MACROD2: variants seen among roughly 807,000 people sequenced by gnomAD.
MACROD2 encodes ADP-ribose glycohydrolase MACROD2.
In MACROD2, 36 loss-of-function variants were observed where a neutral mutation model predicts 70.4. The ratio of observed to expected loss-of-function variants is 0.51; its 90% CI spans 0.39 to 0.68. MACROD2 has a LOEUF of 0.68. MACROD2 is among the 30% of genes least tolerant of loss of function. The pLI, the probability that MACROD2 is intolerant of heterozygous loss-of-function variation, is 0.00. For missense variants in MACROD2, 496 were observed against 538.4 expected (o/e 0.92, Z 0.78); for synonymous variants, 172 against 178.8 (o/e 0.96, Z 0.30).
At chr20:15,793,907 A>G (rs1002081857) in intron 8 of MACROD2, among the ~76,000 whole-genome samples, 8 of 147,502 alleles carry the variant, frequency 5.4e-5, no homozygotes, top group Non-Finnish European at 1.2e-4. Context: ...ATAATATATA[A>G]TATAAAAATT....
intron 7 of MACROD2, among the ~76,000 whole-genome samples, chr20:15,486,136 C>T (rs1165974619): frequency 6.6e-6 from 1 of 151,966 alleles, no homozygotes; most frequent in Non-Finnish European, 1.5e-5. Flanking sequence ...TGTTCATCTA[C>T]TATCAGTTCC....
chr20:15,266,926 G>A (rs960329093), intron 6 of MACROD2, among the ~76,000 whole-genome samples: 7 of 152,230 alleles, frequency 4.6e-5, no homozygotes, highest in African/African-American at 9.6e-5. Context: ...GAGGGCAGGG[G>A]CGCGGGGGGC....
chr20:15,269,826 A>G (rs1020191661), intron 6 of MACROD2, among the ~76,000 whole-genome samples: 2 of 152,000 alleles, frequency 1.3e-5, no homozygotes, highest in Non-Finnish European at 2.9e-5. Context: ...CTCTCTTCAC[A>G]TTTCACTCTC....
At position 15,576,477 on chromosome 20, in the gene MACROD2, A is replaced by G. The variant is rs74945071; in HGVS notation, c.645+76630A>G. On this transcript the variant is annotated intron_variant, in intron 8 of 17. Transcript: ENST00000684519. ...AAAAGGCCAAAGTTTTTCTATCCAT[A>G]TTAAGAAAGATATTTTTCTGGTCAA... Among the ~76,000 whole-genome samples, 1,039 of 152,166 alleles carry G rather than the reference A, an allele frequency of 6.8e-3. 14 individuals carry two copies. Among genetic ancestry groups the G allele is most frequent in the African/African-American group, 0.024 (998 of 41,522 alleles).
intron 3 of MACROD2, among the ~76,000 whole-genome samples, chr20:14,168,601 C>T (rs938718266): frequency 5.9e-5 from 9 of 152,156 alleles, no homozygotes; most frequent in Admixed American, 2.6e-4. Context: ...TACATTAGGG[C>T]TCCTTCCTTG....
intron 8 of MACROD2, among the ~76,000 whole-genome samples, chr20:15,656,984 C>T (rs889461670): frequency 3.3e-5 from 5 of 151,838 alleles, no homozygotes; most frequent in Non-Finnish European, 7.4e-5. Flanking sequence ...ATTTCTAAAT[C>T]TTTGACTCTT....
intron 5 of MACROD2, among the ~76,000 whole-genome samples, chr20:14,695,600 T>G (rs1244784653): frequency 1.3e-5 from 2 of 152,130 alleles, no homozygotes; most frequent in Non-Finnish European, 2.9e-5. Context: ...CCAGCTACCA[T>G]GTTGTGAGGG....
chr20:15,086,505 G>A (rs901498756), intron 5 of MACROD2, among the ~76,000 whole-genome samples: 38 of 152,152 alleles, frequency 2.5e-4, no homozygotes, highest in African/African-American at 8.9e-4. Context: ...AGTTCTAGAT[G>A]GTCACAATGG....
chr20:14,437,269 A>G (rs1600235520), intron 3 of MACROD2, among the ~76,000 whole-genome samples: 1 of 152,004 alleles, frequency 6.6e-6, no homozygotes, highest in East Asian at 1.9e-4. Flanking sequence ...ATTCTTTTAT[A>G]TTTTATATTT....
chr20:15,157,362 TCCCCCC>T (rs1173688272), intron 5 of MACROD2, among the ~76,000 whole-genome samples: 1 of 21,012 alleles, frequency 4.8e-5, no homozygotes, highest in Non-Finnish European at 9.6e-5. Flanking sequence ...CCCCCCCACC[TCCCCCC>T]CCCCCGGCCA....
chr20:15,403,394 GTT>G (rs1568780676), intron 6 of MACROD2, among the ~76,000 whole-genome samples: 1 of 151,434 alleles, frequency 6.6e-6, no homozygotes, highest in African/African-American at 2.4e-5. Context: ...GTGTGTGTTT[GTT>G]AGAGAGAGAG....
chr20:14,994,149 G>T (rs1416750971), intron 5 of MACROD2, among the ~76,000 whole-genome samples: 1 of 151,978 alleles, frequency 6.6e-6, no homozygotes, highest in Non-Finnish European at 1.5e-5. Context: ...TACATGTACA[G>T]GATAGATATG....
chr20:14,397,428 C>G (rs2083592685), intron 3 of MACROD2, among the ~76,000 whole-genome samples: 1 of 152,152 alleles, frequency 6.6e-6, no homozygotes, highest in African/African-American at 2.4e-5. Flanking sequence ...TTATCCCAGT[C>G]TACTGTTCAA....
rs142933133 is a variant in MACROD2, at chr20:14,820,719, T to G, written c.418+135760T>G. Among the ~76,000 whole-genome samples, 233 of 152,194 alleles carry G rather than the reference T, an allele frequency of 1.5e-3. 1 individual carries two copies. Among genetic ancestry groups the G allele is most frequent in the African/African-American group, 5.3e-3 (221 of 41,536 alleles). ...GGAAATAGATTTCCGTTACATTCTTTTTTTCCCCCCTTTTTAAGGATTTAG... is the reference window on the plus strand; with the variant it reads ...GGAAATAGATTTCCGTTACATTCTTGTTTTCCCCCCTTTTTAAGGATTTAG... On this transcript the variant is annotated intron_variant, in intron 5 of 17. Coordinates refer to ENST00000684519, the MANE Select transcript of MACROD2 (RefSeq NM_001351661.2).
At chr20:16,003,858 A>G (rs1009149364) in intron 15 of MACROD2, among the ~76,000 whole-genome samples, 1 of 152,146 alleles carries the variant, frequency 6.6e-6, no homozygotes, top group African/African-American at 2.4e-5. Flanking sequence ...TTTAGCAGAG[A>G]CAGGGTTTCA....
chr20:15,372,028 T>C (rs1397307307), intron 6 of MACROD2, among the ~76,000 whole-genome samples: 1 of 152,230 alleles, frequency 6.6e-6, no homozygotes, highest in Non-Finnish European at 1.5e-5. Context: ...TCACATTTTA[T>C]TTTATTTTTT....
chr20:15,766,709 G>A (rs1440957580), intron 8 of MACROD2, among the ~76,000 whole-genome samples: 1 of 152,184 alleles, frequency 6.6e-6, no homozygotes, highest in Non-Finnish European at 1.5e-5. Flanking sequence ...ACGATCGATG[G>A]CGATGATGTG....
In MACROD2 at chr20:16,050,200, C is replaced by G. The variant is rs2067441279; in HGVS notation, c.*324C>G. 4.7e-6 allele frequency: 1 copy of G among 212,370 alleles called. No homozygotes were observed. The highest frequency in any genetic ancestry group is 8.7e-5 in the South Asian group (1 of 11,560). 13.2% of individuals were successfully genotyped at this position (212,370 alleles called of 1,614,324 possible). A position where few individuals can be genotyped will look rare whatever the true frequency, so the allele number is the denominator to read the frequency against. ...TTGATTGAACACTCACATGTGTATC[C>G]TGGCCCCTGTCTGCTTTCTTGGTTA... On this transcript the variant is annotated 3_prime_UTR_variant, in exon 18 of 18. Transcript: ENST00000684519.
intron 5 of MACROD2, among the ~76,000 whole-genome samples, chr20:14,764,607 AAC>A (rs2123758968): frequency 6.6e-6 from 1 of 152,140 alleles, no homozygotes; most frequent in African/African-American, 2.4e-5. Context: ...TTTACCCTAA[AAC>A]AGTTTCTAAA....
Sources: allele counts gnomAD v4.1 joint callset (sites outside exome capture counted in the v4.1 genomes callset), GRCh38; gene constraint gnomAD v4.1.1; transcripts MANE v1.5; gene names NCBI Gene and HGNC (gene_info 2026-07-23, HGNC 2026-07-21).